ABLIM1: variants seen among roughly 807,000 people sequenced by gnomAD.
ABLIM1 encodes the protein actin-binding LIM protein 1.
ABLIM1 carries 40 observed loss-of-function variants against 107.0 expected under a neutral mutation model. The ratio of observed to expected loss-of-function variants is 0.37; its 90% CI spans 0.29 to 0.49. The LOEUF (loss-of-function observed/expected upper bound fraction) is 0.49, where lower values mean the gene tolerates loss of function less well. ABLIM1 is among the 20% of genes least tolerant of loss of function. The probability of loss-of-function intolerance (pLI) is 0.97; values close to 1 mark genes in which losing one functional copy is unlikely to be tolerated. For missense variants in ABLIM1, 857 were observed against 1,008.5 expected (o/e 0.85, Z 2.04); for synonymous variants, 357 against 357.3 (o/e 1.00, Z 0.01).
chr10:114,457,323 G>A (rs961163392), intron 12 of ABLIM1, among the ~76,000 whole-genome samples: 2 of 152,084 alleles, frequency 1.3e-5, no homozygotes, highest in East Asian at 3.9e-4. Context: ...AGGCTGTAGT[G>A]CAGTGGTGCA....
intron 4 of ABLIM1, among the ~76,000 whole-genome samples, chr10:114,566,724 C>G (rs1338381919): frequency 1.3e-5 from 2 of 152,172 alleles, no homozygotes; most frequent in African/African-American, 4.8e-5. Context: ...AATAATCTTT[C>G]ACTGAAGTTG....
chr10:114,543,599 C>T (rs2483585), intron 6 of ABLIM1, among the ~76,000 whole-genome samples: 117,449 of 151,690 alleles, frequency 0.77, 46,028 homozygotes, highest in African/African-American at 0.91. Flanking sequence ...TGAACGCGTG[C>T]GTACATAGAT....
chr10:114,550,036 C>A (rs764638998), intron 4 of ABLIM1, among the ~76,000 whole-genome samples: 56 of 151,934 alleles, frequency 3.7e-4, no homozygotes, highest in Admixed American at 5.2e-4. Flanking sequence ...AATTTTTAAA[C>A]CATGATAATG....
At chr10:114,661,258 G>A (rs761436351), upstream of ABLIM1, among the ~76,000 whole-genome samples, 4 of 152,136 alleles carry the variant, frequency 2.6e-5, no homozygotes, top group Non-Finnish European at 5.9e-5. Context: ...AAAGACAACC[G>A]AACTACATAT....
chr10:114,643,175 A>G (rs2078828423), intron 1 of ABLIM1, among the ~76,000 whole-genome samples: 1 of 152,246 alleles, frequency 6.6e-6, no homozygotes, highest in Non-Finnish European at 1.5e-5. Flanking sequence ...TAAATAGGAA[A>G]CTGACACCAC....
chr10:114,689,099 G>A (rs552387988), upstream of ABLIM1, among the ~76,000 whole-genome samples: 8 of 152,240 alleles, frequency 5.3e-5, no homozygotes, highest in African/African-American at 1.7e-4. Context: ...GGAGGCCATC[G>A]TAGCAGGCTG....
At chr10:114,533,109 G>A (rs2065623758) in intron 6 of ABLIM1, among the ~76,000 whole-genome samples, 1 of 152,190 alleles carries the variant, frequency 6.6e-6, no homozygotes, top group South Asian at 2.1e-4. Context: ...GGTGGCTGAG[G>A]TGGGTGGATC....
At chr10:114,649,394 T>G (rs1384097525) in intron 1 of ABLIM1, among the ~76,000 whole-genome samples, 1 of 134,534 alleles carries the variant, frequency 7.4e-6, no homozygotes, top group Non-Finnish European at 1.6e-5. Context: ...AGAGCAAGAC[T>G]CTGTCAAAAT....
At chr10:114,798,419 G>A in the ABLIM1 span, among the ~76,000 whole-genome samples, 1 of 147,952 alleles carries the variant, frequency 6.8e-6, no homozygotes, top group Non-Finnish European at 1.5e-5. Context: ...GCAAGACTCT[G>A]TTTTAAAAAA....
chr10:114,487,442 G>A (rs370387231), intron 8 of ABLIM1, among the ~76,000 whole-genome samples: 17 of 152,310 alleles, frequency 1.1e-4, no homozygotes, highest in East Asian at 3.9e-4. Flanking sequence ...GAGGTGTTCC[G>A]AGAATTGACT....
At chr10:114,490,645 T>C (rs942945179) in intron 7 of ABLIM1, among the ~76,000 whole-genome samples, 1 of 152,030 alleles carries the variant, frequency 6.6e-6, no homozygotes, top group Admixed American at 6.6e-5. Flanking sequence ...GTAAAATGCT[T>C]ACACAGATGG....
At chr10:114,761,832 T>C (rs1485230125) in intron 1 of ABLIM1, among the ~76,000 whole-genome samples, 1 of 152,042 alleles carries the variant, frequency 6.6e-6, no homozygotes, top group Non-Finnish European at 1.5e-5. Flanking sequence ...CTTCCCTCCA[T>C]CCTATTCTTT....
At chr10:114,642,234 C>T (rs998919846) in intron 1 of ABLIM1, among the ~76,000 whole-genome samples, 5 of 152,028 alleles carry the variant, frequency 3.3e-5, no homozygotes, top group Admixed American at 6.6e-5. Context: ...ATGATCTGAT[C>T]GTCAGCTCCA....
intron 3 of ABLIM1, 132 bp downstream of exon 3, chr10:114,575,284 G>A: frequency 9.8e-7 from 1 of 1,024,100 alleles, no homozygotes; most frequent in African/African-American, 1.6e-5. Flanking sequence ...TGATAGTACA[G>A]TAAGAAAGAA....
intron 12 of ABLIM1, among the ~76,000 whole-genome samples, chr10:114,458,115 T>TGC (rs1555026727): frequency 4.1e-4 from 61 of 149,248 alleles, no homozygotes; most frequent in Admixed American, 1.5e-3. Context: ...TGTGTGTGTG[T>TGC]GCGCACATAA....
chr10:114,530,308 G>T (rs2065314613), intron 6 of ABLIM1, among the ~76,000 whole-genome samples: 1 of 152,158 alleles, frequency 6.6e-6, no homozygotes. Flanking sequence ...CACTTTGGCA[G>T]TCCAGAGAAG....
chr10:114,496,554 A>G (rs983585324), intron 6 of ABLIM1, among the ~76,000 whole-genome samples: 1 of 152,192 alleles, frequency 6.6e-6, no homozygotes. Context: ...TGCTGGGCTT[A>G]ATACCTAGGT....
intron 4 of ABLIM1, among the ~76,000 whole-genome samples, chr10:114,551,101 C>T (rs1047245385): frequency 1.4e-4 from 22 of 152,146 alleles, no homozygotes; most frequent in African/African-American, 4.1e-4. Context: ...TTACTCTCTC[C>T]GAACCCTCAT....
At chr10:114,515,659 CT>C (rs2136206845) in intron 6 of ABLIM1, among the ~76,000 whole-genome samples, 1 of 152,290 alleles carries the variant, frequency 6.6e-6, no homozygotes, top group Non-Finnish European at 1.5e-5. Flanking sequence ...AGGGTGTGAC[CT>C]TATTTGGAAA....
Sources: gnomAD v4.1 joint callset for allele counts (sites outside exome capture counted in the v4.1 genomes callset) on GRCh38, gnomAD v4.1.1 for gene constraint, MANE v1.5 for transcripts, NCBI Gene and HGNC (gene_info 2026-07-23, HGNC 2026-07-21) for gene names.